The following CDKL5 variants were observed in gnomAD, a reference collection of about 807,000 sequenced individuals.
CDKL5 encodes the protein cyclin-dependent kinase-like 5.
A neutral mutation model predicts 61.7 loss-of-function variants in CDKL5; 8 were observed. The observed-to-expected ratio is 0.13, with a 90% CI of 0.08 to 0.23. The LOEUF is 0.23. Among genes scored for constraint, CDKL5 ranks in the 10% least tolerant of loss-of-function variants. The pLI is 1.00. For missense variants in CDKL5, 440 were observed against 734.5 expected (o/e 0.60, Z 4.63); for synonymous variants, 275 against 272.3 (o/e 1.01, Z -0.10).
intron 16 of CDKL5, among the ~76,000 whole-genome samples, chrX:18,622,021 G>A (rs1021257430): frequency 1.3e-4 from 14 of 111,699 alleles, no homozygotes; most frequent in African/African-American, 4.6e-4. Flanking sequence ...GTGGTAGAAA[G>A]TAGGAAAGAT....
At chrX:18,517,973 C>G (rs1337585459) in intron 3 of CDKL5, among the ~76,000 whole-genome samples, 2 of 111,454 alleles carry the variant, frequency 1.8e-5, no homozygotes, top group African/African-American at 6.5e-5. Flanking sequence ...CCACTGCACT[C>G]CAGCCTGCGC....
At chrX:18,648,191 T>G (rs1481947957) in intron 20 of CDKL5, among the ~76,000 whole-genome samples, 3 of 110,618 alleles carry the variant, frequency 2.7e-5, no homozygotes, top group African/African-American at 6.6e-5. Flanking sequence ...TCGAGTTACC[T>G]GGTCAGAGGC....
In CDKL5 at chrX:18,518,285, C is replaced by T. The variant is rs182703887; in HGVS notation, c.99+7431C>T. On this transcript the variant is annotated intron_variant, in intron 3 of 17. Transcript: ENST00000623535. ...TGCCTATCAAATATCAGGCACTTAG[C>T]TAGGCACTGACTACAAAAAAAAATA... Among the ~76,000 whole-genome samples the T allele has an allele frequency of 4.5e-3, 473 of 104,944 alleles. 2 individuals are homozygous for T. The Middle Eastern group carries it at 0.046, about 10-fold the overall frequency. 91.1% of individuals were successfully genotyped at this position (104,944 alleles called of 115,157 possible). A position where few individuals can be genotyped will look rare whatever the true frequency, so the allele number is the denominator to read the frequency against.
intron 2 of CDKL5, among the ~76,000 whole-genome samples, chrX:18,509,197 G>GCACACACACACACACACACACACA (rs60516677): frequency 1.1e-4 from 7 of 64,314 alleles, no homozygotes; most frequent in Non-Finnish European, 1.1e-4. Context: ...CTCAAAACAC[G>GCACACACACACACACACACACACA]CACACACACA....
At chrX:18,484,126 C>T (rs991188126) in intron 1 of CDKL5, among the ~76,000 whole-genome samples, 4 of 111,889 alleles carry the variant, frequency 3.6e-5, no homozygotes, top group Non-Finnish European at 5.6e-5. Context: ...AGGGTTTATT[C>T]TCTCTATCAG....
chrX:18,613,474 A>G (rs1212174799), intron 15 of CDKL5, among the ~76,000 whole-genome samples, 199 bp downstream of exon 15: 1 of 111,951 alleles, frequency 8.9e-6, no homozygotes, highest in Non-Finnish European at 1.9e-5. Flanking sequence ...AATATCATGT[A>G]AGGGAAAAAA....
chrX:18,623,352 C>A (rs1209229380), intron 16 of CDKL5, among the ~76,000 whole-genome samples: 5 of 112,052 alleles, frequency 4.5e-5, no homozygotes, highest in Non-Finnish European at 9.4e-5. Context: ...AGTATCCCAC[C>A]ACAGTGATCA....
intron 1 of CDKL5, among the ~76,000 whole-genome samples, chrX:18,502,957 C>T (rs1399656568): frequency 9.0e-6 from 1 of 111,574 alleles, no homozygotes; most frequent in Non-Finnish European, 1.9e-5. Context: ...TGTCTTAATT[C>T]TTTAGAAAAC....
At chrX:18,528,735 G>A (rs1049758006) in intron 3 of CDKL5, among the ~76,000 whole-genome samples, 5 of 111,609 alleles carry the variant, frequency 4.5e-5, no homozygotes, top group Non-Finnish European at 9.4e-5. Context: ...CTAGGCTCAA[G>A]TGATCCTTCT....
At chrX:18,620,068 T>C in intron 16 of CDKL5, 102 bp downstream of exon 16, 1 of 535,083 alleles carries the variant, frequency 1.9e-6, no homozygotes, top group Non-Finnish European at 3.2e-6. Flanking sequence ...TGTTTTCTTA[T>C]TGAGACTTGA....
chrX:18,647,501 C>G, intron 20 of CDKL5: 3 of 491,515 alleles, frequency 6.1e-6, no homozygotes, highest in East Asian at 7.4e-5. Flanking sequence ...CGGTTCACTA[C>G]TCACGCAAGA....
intron 16 of CDKL5, among the ~76,000 whole-genome samples, chrX:18,621,963 T>C (rs1003600): frequency 1.8e-5 from 2 of 112,307 alleles, no homozygotes; most frequent in South Asian, 7.4e-4. Context: ...TTTTATTTTG[T>C]GGTTTTTGTT....
At chrX:18,599,590 A>C (rs1405242568) in intron 11 of CDKL5, among the ~76,000 whole-genome samples, 3 of 110,838 alleles carry the variant, frequency 2.7e-5, no homozygotes, top group Non-Finnish European at 5.7e-5. Flanking sequence ...AGTAGCTGGG[A>C]CTATAGGAGC....
At position 18,631,687 on chromosome X, in the gene CDKL5, T is replaced by C; in HGVS notation, c.*2930T>C. The C allele has an allele frequency of 2.7e-6, 2 of 753,575 alleles. No homozygotes were observed. The highest frequency in any genetic ancestry group is 3.1e-6 in the Non-Finnish European group (2 of 638,369). 62.1% of individuals were successfully genotyped at this position (753,575 alleles called of 1,213,427 possible). On this transcript the variant is annotated 3_prime_UTR_variant, in exon 18 of 18. Transcript: ENST00000623535. ...TACTTTTATGAAAGTATCACTGATC[T>C]CCTTTGGAAAAGAAACTCTGCTTCA...
chrX:18,585,735 G>A (rs1925621474), intron 8 of CDKL5, among the ~76,000 whole-genome samples: 1 of 111,215 alleles, frequency 9.0e-6, no homozygotes, highest in African/African-American at 3.3e-5. Flanking sequence ...TTCCTTCTTT[G>A]GGACCACCCA....
At chrX:18,435,046 A>G (rs762075340) in intron 1 of CDKL5, among the ~76,000 whole-genome samples, 19 of 112,337 alleles carry the variant, frequency 1.7e-4, no homozygotes, top group Non-Finnish European at 3.0e-4. Context: ...TGACAGATAA[A>G]AAAAGGTGGT....
At chrX:18,474,685 G>A (rs1483006849) in intron 1 of CDKL5, among the ~76,000 whole-genome samples, 2 of 111,909 alleles carry the variant, frequency 1.8e-5, no homozygotes, top group Non-Finnish European at 3.8e-5. Context: ...GTGTTTTGCT[G>A]TACAGAATTG....
Position 18,507,090 on chromosome X carries a change from T to G in CDKL5, c.-7T>G, listed in dbSNP as rs780970781. ...TGTGGCTTGCATCAAAAGAGGAGTTTGTCTTCATGAAGATTCCTAACATTG... is the reference window on the plus strand; with the variant it reads ...TGTGGCTTGCATCAAAAGAGGAGTTGGTCTTCATGAAGATTCCTAACATTG... On this transcript the variant is annotated 5_prime_UTR_variant, in exon 2 of 18. Transcript: ENST00000623535. The G allele has an allele frequency of 5.9e-6, 7 of 1,182,320 alleles. No homozygotes were observed. The highest frequency in any genetic ancestry group is 1.7e-5 in the African/African-American group (1 of 57,232).
intron 9 of CDKL5, among the ~76,000 whole-genome samples, chrX:18,592,676 C>A (rs887229382): frequency 8.9e-6 from 1 of 112,292 alleles, no homozygotes; most frequent in Admixed American, 9.4e-5. Flanking sequence ...TTAGTTTAAT[C>A]TCTTTGGAGG....
Sources: allele counts gnomAD v4.1 joint callset (sites outside exome capture counted in the v4.1 genomes callset), GRCh38; gene constraint gnomAD v4.1.1; transcripts MANE v1.5; gene names NCBI Gene and HGNC (gene_info 2026-07-23, HGNC 2026-07-21).